Variants in DLG2 observed in about 807,000 individuals in gnomAD.
DLG2 encodes the protein discs large MAGUK scaffold protein 2.
A neutral mutation model predicts 132.5 loss-of-function variants in DLG2; 45 were observed. That is an observed-to-expected ratio of 0.34 (90% CI 0.27 to 0.44). DLG2 has a LOEUF of 0.44. Among genes scored for constraint, DLG2 ranks in the 20% least tolerant of loss-of-function variants. The probability of loss-of-function intolerance (pLI) is 1.00; values close to 1 mark genes in which losing one functional copy is unlikely to be tolerated. For missense variants in DLG2, 1,045 were observed against 1,196.9 expected (o/e 0.87, Z 1.87); for synonymous variants, 424 against 419.6 (o/e 1.01, Z -0.13).
In DLG2 at chr11:85,502,067, T is replaced by A. The variant is rs542129819; in HGVS notation, c.40+96590A>T. On this transcript the variant is annotated intron_variant, in intron 3 of 27. Coordinates refer to ENST00000376104, the MANE Select transcript of DLG2 (RefSeq NM_001142699.3). ...GATTAAGAAAATGTGGCACATATAC[T>A]CCATGGAATACTATGCAGCCATAAA... Among the ~76,000 whole-genome samples, 1,479 of 151,872 alleles carry A rather than the reference T, an allele frequency of 9.7e-3. 32 individuals carry two copies. The highest frequency in any genetic ancestry group is 0.034 in the African/African-American group (1,420 of 41,400).
At chr11:84,102,832 T>G (rs1169147717) in intron 9 of DLG2, among the ~76,000 whole-genome samples, 1 of 152,142 alleles carries the variant, frequency 6.6e-6, no homozygotes, top group African/African-American at 2.4e-5. Context: ...GTCTTTGAAA[T>G]AATAGCTTTG....
At chr11:84,537,791 A>C (rs2099359083) in intron 6 of DLG2, among the ~76,000 whole-genome samples, 2 of 152,322 alleles carry the variant, frequency 1.3e-5, no homozygotes, top group East Asian at 3.9e-4. Flanking sequence ...TATGCTCAAT[A>C]AGTGTTTGTT....
chr11:84,184,205 GCTC>G (rs1364180181), intron 8 of DLG2, among the ~76,000 whole-genome samples: 3 of 152,254 alleles, frequency 2.0e-5, no homozygotes, highest in Admixed American at 1.3e-4. Context: ...GTGTAAAAGT[GCTC>G]CTATTTCTCC....
At chr11:85,452,876 C>A in intron 3 of DLG2, 1 of 191,334 alleles carries the variant, frequency 5.2e-6, no homozygotes, top group Non-Finnish European at 1.2e-5. Context: ...CAAGAACAAT[C>A]TGCCTATCAC....
chr11:85,216,792 G>A (rs1320290658), intron 4 of DLG2, among the ~76,000 whole-genome samples: 1 of 151,968 alleles, frequency 6.6e-6, no homozygotes, highest in Admixed American at 6.6e-5. Context: ...CACCTCCCGG[G>A]TTCAAGCAAT....
chr11:84,868,069 G>A (rs558908293), intron 6 of DLG2, among the ~76,000 whole-genome samples: 91 of 148,866 alleles, frequency 6.1e-4, no homozygotes, highest in Admixed American at 2.0e-3. Flanking sequence ...GCGAGGTTCC[G>A]TCTCAAAATA....
intron 6 of DLG2, among the ~76,000 whole-genome samples, chr11:84,918,583 A>G (rs894577104): frequency 6.6e-6 from 1 of 152,186 alleles, no homozygotes; most frequent in African/African-American, 2.4e-5. Flanking sequence ...GAAAATTAGC[A>G]TGATAAATGT....
At chr11:83,781,795 C>T (rs985324000) in intron 18 of DLG2, among the ~76,000 whole-genome samples, 1 of 152,120 alleles carries the variant, frequency 6.6e-6, no homozygotes, top group Non-Finnish European at 1.5e-5. Context: ...ATATCTGTGG[C>T]TTATTATTTC....
chr11:85,079,035 G>C (rs1402149163), intron 6 of DLG2, among the ~76,000 whole-genome samples: 7 of 151,860 alleles, frequency 4.6e-5, no homozygotes, highest in African/African-American at 9.7e-5. Context: ...GGGGGGGTCT[G>C]AGACATCAAT....
chr11:85,273,989 G>GC (rs1185553455), intron 4 of DLG2, among the ~76,000 whole-genome samples: 1 of 152,122 alleles, frequency 6.6e-6, no homozygotes, highest in East Asian at 1.9e-4. Flanking sequence ...ATCATTCTCA[G>GC]CAAACTATCA....
intron 6 of DLG2, among the ~76,000 whole-genome samples, chr11:84,615,725 T>G (rs1211484530): frequency 1.3e-5 from 2 of 148,696 alleles, no homozygotes; most frequent in African/African-American, 5.0e-5. Context: ...GTGACCTGAT[T>G]AAAAAGGGCC....
intron 6 of DLG2, among the ~76,000 whole-genome samples, chr11:84,823,051 G>T (rs887611007): frequency 6.6e-6 from 1 of 151,848 alleles, no homozygotes; most frequent in Non-Finnish European, 1.5e-5. Flanking sequence ...ATTTAAAAAT[G>T]CATGTATGTA....
intron 6 of DLG2, among the ~76,000 whole-genome samples, chr11:85,093,371 A>C (rs1359260011): frequency 6.6e-6 from 1 of 152,090 alleles, no homozygotes; most frequent in Non-Finnish European, 1.5e-5. Flanking sequence ...CACTTGAAAC[A>C]TCAAGAGCAG....
chr11:84,714,541 C>CTT (rs1565747809), intron 6 of DLG2, among the ~76,000 whole-genome samples: 1 of 106,418 alleles, frequency 9.4e-6, no homozygotes, highest in Non-Finnish European at 1.7e-5. Context: ...TTCTCTTTCT[C>CTT]TTTCTCTTTC....
intron 3 of DLG2, among the ~76,000 whole-genome samples, chr11:85,537,109 G>A (rs2075641227): frequency 6.6e-6 from 1 of 152,182 alleles, no homozygotes; most frequent in African/African-American, 2.4e-5. Flanking sequence ...TCTAGCTAAG[G>A]GATTGTAAAT....
At chr11:85,393,363 C>T (rs757325249) in intron 3 of DLG2, among the ~76,000 whole-genome samples, 1 of 152,092 alleles carries the variant, frequency 6.6e-6, no homozygotes. Flanking sequence ...AACACTTTTA[C>T]ACTGTTGGTG....
chr11:84,948,037 T>A (rs2050443074), intron 6 of DLG2, among the ~76,000 whole-genome samples: 2 of 152,196 alleles, frequency 1.3e-5, no homozygotes, highest in South Asian at 2.1e-4. Flanking sequence ...AGGAGAGAAG[T>A]ATTCTACCTT....
At chr11:84,402,930 A>C (rs1169400540) in intron 7 of DLG2, among the ~76,000 whole-genome samples, 1 of 151,124 alleles carries the variant, frequency 6.6e-6, no homozygotes, top group South Asian at 2.1e-4. Flanking sequence ...TGTATCTTAC[A>C]TGTTGTATTA....
At chr11:83,800,777 C>A (rs1212647679) in intron 17 of DLG2, among the ~76,000 whole-genome samples, 1 of 152,122 alleles carries the variant, frequency 6.6e-6, no homozygotes, top group Non-Finnish European at 1.5e-5. Context: ...GCTGTCCAAA[C>A]CCAGCTTATT....
Sources: gnomAD v4.1 joint callset for allele counts (sites outside exome capture counted in the v4.1 genomes callset) on GRCh38, gnomAD v4.1.1 for gene constraint, MANE v1.5 for transcripts, NCBI Gene and HGNC (gene_info 2026-07-23, HGNC 2026-07-21) for gene names.